The following TMEM232 variants were observed in gnomAD, a reference collection of about 807,000 sequenced individuals.
TMEM232 encodes transmembrane protein 232.
Under a neutral mutation model 78.8 loss-of-function variants are expected in TMEM232, and 80 were observed. The ratio of observed to expected loss-of-function variants is 1.01; its 90% CI spans 0.85 to 1.22. The LOEUF is 1.22. TMEM232 is among the 50% of genes most tolerant of loss of function. The pLI, the probability that TMEM232 is intolerant of heterozygous loss-of-function variation, is 0.00. For synonymous variants in TMEM232, 297 were observed against 254.3 expected (o/e 1.17, Z -1.60); for missense variants, 881 against 742.2 (o/e 1.19, Z -2.17).
chr5:110,631,146 G>A (rs868341202), intron 5 of TMEM232, among the ~76,000 whole-genome samples: 1 of 152,112 alleles, frequency 6.6e-6, no homozygotes, highest in African/African-American at 2.4e-5. Context: ...AGCATTGCTG[G>A]ACACAAAGGT....
At chr5:110,606,119 T>C in intron 9 of TMEM232, 45 bp downstream of exon 9, 1 of 1,489,162 alleles carries the variant, frequency 6.7e-7, no homozygotes, top group East Asian at 2.5e-5. Context: ...AAATAAAATC[T>C]GTTTCTCTTC....
intron 10 of TMEM232, among the ~76,000 whole-genome samples, chr5:110,596,808 G>T (rs375158731): frequency 5.9e-5 from 9 of 152,024 alleles, no homozygotes; most frequent in South Asian, 2.1e-4. Context: ...TTGACAAAAT[G>T]CAACAACTCT....
intron 12 of TMEM232, among the ~76,000 whole-genome samples, chr5:110,502,014 AT>A (rs1766315744): frequency 6.6e-6 from 1 of 152,102 alleles, no homozygotes; most frequent in African/African-American, 2.4e-5. Context: ...AAATATTGTT[AT>A]TTTGGGGATA....
At chr5:110,707,389 T>C (rs1040167840) in intron 1 of TMEM232, among the ~76,000 whole-genome samples, 4 of 152,220 alleles carry the variant, frequency 2.6e-5, no homozygotes, top group African/African-American at 7.2e-5. Context: ...TTGAAATCAA[T>C]GCTGCCCTGT....
intron 10 of TMEM232, among the ~76,000 whole-genome samples, chr5:110,599,790 T>C (rs193114024): frequency 2.6e-5 from 4 of 152,234 alleles, no homozygotes; most frequent in East Asian, 1.9e-4. Flanking sequence ...TATTCAGGAA[T>C]TGAACTCAGC....
rs1385835053 is a variant in TMEM232, at chr5:110,430,454, C to T, written c.1704-5538G>A. Among the ~76,000 whole-genome samples, 24 of 151,322 alleles carry T rather than the reference C, an allele frequency of 1.6e-4. No individual in the cohort carries two copies. In the Admixed American group the frequency reaches 1.6e-3, roughly 10 times the overall value. Reference sequence around the variant, plus strand: ...TAATTACTTGAAAGGAAAATAAATTCCTTCCTCTCTTCAAGGTAAAGTTAA... The same window carrying T: ...TAATTACTTGAAAGGAAAATAAATTTCTTCCTCTCTTCAAGGTAAAGTTAA... On this transcript the variant is annotated intron_variant, in intron 12 of 13. Coordinates refer to ENST00000455884, the MANE Select transcript of TMEM232 (RefSeq NM_001039763.4).
chr5:110,518,489 A>T (rs1246859978), intron 12 of TMEM232, among the ~76,000 whole-genome samples: 1 of 152,202 alleles, frequency 6.6e-6, no homozygotes, highest in Non-Finnish European at 1.5e-5. Context: ...TTACAATTTA[A>T]CAAAAATGTA....
At chr5:110,489,868 G>A (rs990498401) in intron 12 of TMEM232, among the ~76,000 whole-genome samples, 4 of 152,046 alleles carry the variant, frequency 2.6e-5, no homozygotes, top group African/African-American at 7.2e-5. Flanking sequence ...GCTCATGCCT[G>A]TAATCCTAGC....
In TMEM232 at chr5:110,528,781, A is replaced by G. The variant is rs575617159; in HGVS notation, c.1510T>C (p.Ser504Pro). 1.3e-4 allele frequency: 200 copies of G among 1,533,414 alleles called. 1 individual carries two copies. The South Asian group carries it at 2.3e-3, about 18-fold the overall frequency. 95.0% of individuals were successfully genotyped at this position (1,533,414 alleles called of 1,614,324 possible). ...PFTRYSTNIS[S>P]NVGEEVFSKY... ...GAGAAAACTTCTTCTCCTACATTTG[A>G]TGAAATATTTGTACTATATCTAGTG... is the stretch of plus-strand genomic sequence containing the variant. The change falls in exon 12 of 14, where the codon TCA (serine) becomes CCA (proline). Residue 504 changes from serine to proline, a missense_variant. Coordinates refer to ENST00000455884, the MANE Select transcript of TMEM232 (RefSeq NM_001039763.4).
chr5:110,490,148 A>AGAAAG (rs1285375607), intron 12 of TMEM232, among the ~76,000 whole-genome samples: 4 of 130,110 alleles, frequency 3.1e-5, no homozygotes, highest in African/African-American at 1.5e-4. Context: ...AAAGAAAGAA[A>AGAAAG]GAAAGAAAGA....
chr5:110,404,345 A>G (rs1414702435), intron 2 of TMEM232, among the ~76,000 whole-genome samples: 2 of 152,088 alleles, frequency 1.3e-5, no homozygotes, highest in Non-Finnish European at 2.9e-5. Flanking sequence ...CTGTGTAAAG[A>G]GAAAGGAGTA....
intron 2 of TMEM232, among the ~76,000 whole-genome samples, chr5:110,647,517 G>A (rs1787660065): frequency 6.6e-6 from 1 of 151,822 alleles, no homozygotes; most frequent in African/African-American, 2.4e-5. Flanking sequence ...GTAAAAATAT[G>A]AAGTTTTTTG....
chr5:110,566,800 C>G (rs1393001348), intron 11 of TMEM232, among the ~76,000 whole-genome samples: 1 of 151,882 alleles, frequency 6.6e-6, no homozygotes, highest in Non-Finnish European at 1.5e-5. Flanking sequence ...TTTCAGGTAT[C>G]TTTACAGCAG....
chr5:110,495,581 G>C (rs945926905), intron 12 of TMEM232, among the ~76,000 whole-genome samples: 1 of 151,736 alleles, frequency 6.6e-6, no homozygotes, highest in Admixed American at 6.6e-5. Context: ...AAAACATAAG[G>C]CTTTACAGAT....
chr5:110,584,966 G>T (rs960471795), intron 10 of TMEM232, among the ~76,000 whole-genome samples: 11 of 152,002 alleles, frequency 7.2e-5, no homozygotes, highest in Non-Finnish European at 2.9e-5. Flanking sequence ...AAATACTTTG[G>T]AAACATTGCA....
Position 110,618,564 on chromosome 5 carries a change from T to A in TMEM232, c.769-2A>T. 1.3e-6 allele frequency: 2 copies of A among 1,538,888 alleles called. No homozygotes were observed. The highest frequency in any genetic ancestry group is 1.7e-6 in the Non-Finnish European group (2 of 1,143,788). On this transcript the variant is annotated splice_acceptor_variant, in intron 7 of 13. Transcript: ENST00000455884. LOFTEE classifies it high-confidence loss of function. ...CAGGTGGTTAATTTCATATCCTCCC[T>A]GATTAAATTGCAAATGTTTCAGGAA...
In TMEM232 at chr5:110,555,263, T is replaced by C. The variant is rs1166543508; in HGVS notation, c.1455+13184A>G. 3.3e-5 allele frequency among the ~76,000 whole-genome samples: 5 copies of C among 152,204 alleles called. No individual in the cohort carries two copies. The South Asian group carries it at 6.2e-4, about 19-fold the overall frequency. ...TTTATTGATATCTGCTTTAATTTCA[T>C]TGTTCACCCAAAAATCATTTAGGAG... On this transcript the variant is annotated intron_variant, in intron 11 of 13. Transcript: ENST00000455884.
chr5:110,632,416 G>A (rs991326622), intron 5 of TMEM232, among the ~76,000 whole-genome samples: 7 of 151,790 alleles, frequency 4.6e-5, no homozygotes, highest in Non-Finnish European at 1.0e-4. Flanking sequence ...AAAAAGAAAT[G>A]TGTGACATCA....
At chr5:110,433,943 T>C (rs1353751245) in intron 12 of TMEM232, among the ~76,000 whole-genome samples, 1 of 152,096 alleles carries the variant, frequency 6.6e-6, no homozygotes, top group Admixed American at 6.6e-5. Context: ...TAGTTTTCTT[T>C]TTCTGTGATG....
Sources: allele counts gnomAD v4.1 joint callset (sites outside exome capture counted in the v4.1 genomes callset), GRCh38; gene constraint gnomAD v4.1.1; transcripts MANE v1.5; gene names NCBI Gene and HGNC (gene_info 2026-07-23, HGNC 2026-07-21).